The following ICA1 variants were observed in gnomAD, a reference collection of about 807,000 sequenced individuals.
The protein encoded by ICA1 is islet cell autoantigen 1.
ICA1 carries 40 observed loss-of-function variants against 71.0 expected under a neutral mutation model. That is an observed-to-expected ratio of 0.56 (90% CI 0.44 to 0.73). The LOEUF (loss-of-function observed/expected upper bound fraction) is 0.73. Among genes scored for constraint, ICA1 ranks in the 30% least tolerant of loss-of-function variants. The pLI is 0.00. For missense variants in ICA1, 578 were observed against 576.5 expected, an observed-to-expected ratio of 1.00 and a Z score of -0.03; for synonymous variants, 207 against 209.5, an observed-to-expected ratio of 0.99 and a Z score of 0.10.
At position 8,143,903 on chromosome 7, in the gene ICA1, T is replaced by G; in HGVS notation, c.874A>C (p.Thr292Pro). ...EKKKINQQESTDAAVQEPSQL... is the reference protein window; with the variant it reads ...EKKKINQQESPDAAVQEPSQL... ...CTCGGCTCCTGCACGGCTGCATCTG[T>G]ACTTTCCTGCTGGTTGATTTTCTTC... Residue 292 changes from threonine (T) to proline (P), a missense_variant, in exon 9 of 14, where the codon ACA becomes CCA. Transcript: ENST00000402384. 1 of 1,612,766 alleles carries G rather than the reference T, an allele frequency of 6.2e-7. No homozygotes were observed. The highest frequency in any genetic ancestry group is 1.1e-5 in the South Asian group (1 of 91,040).
At chr7:8,250,266 A>G (rs1274709107) in intron 1 of ICA1, among the ~76,000 whole-genome samples, 1 of 152,214 alleles carries the variant, frequency 6.6e-6, no homozygotes, top group Non-Finnish European at 1.5e-5. Context: ...GAGTATAAAT[A>G]TTAAAATAGT....
chr7:8,213,225 AATCCACTG>A, intron 6 of ICA1, among the ~76,000 whole-genome samples: 1 of 152,364 alleles, frequency 6.6e-6, no homozygotes, highest in South Asian at 2.1e-4. Context: ...AAAAGAACTC[AATCCACTG>A]TATAGAATTC....
chr7:8,141,559 A>C (rs891528662), intron 10 of ICA1, among the ~76,000 whole-genome samples: 1 of 152,230 alleles, frequency 6.6e-6, no homozygotes, highest in Non-Finnish European at 1.5e-5. Flanking sequence ...TCTGGTTCAC[A>C]ATACACAGCC....
intron 6 of ICA1, among the ~76,000 whole-genome samples, chr7:8,166,127 A>G (rs1008433262): frequency 1.3e-5 from 2 of 152,228 alleles, no homozygotes; most frequent in Non-Finnish European, 2.9e-5. Flanking sequence ...CTATACTACA[A>G]GGCTACAGTA....
intron 1 of ICA1, among the ~76,000 whole-genome samples, chr7:8,256,887 A>T (rs564069547): frequency 6.6e-6 from 1 of 152,352 alleles, no homozygotes; most frequent in South Asian, 2.1e-4. Flanking sequence ...TGAAGCACTT[A>T]ACATCATTAT....
intron 6 of ICA1, among the ~76,000 whole-genome samples, chr7:8,209,758 G>A (rs879836646): frequency 6.6e-6 from 1 of 151,746 alleles, no homozygotes; most frequent in Non-Finnish European, 1.5e-5. Flanking sequence ...TGAGGGTCAC[G>A]TGGCTTTAAA....
At position 8,248,074 on chromosome 7, in the gene ICA1, A is replaced by C. The variant is rs76562206; in HGVS notation, c.-79-12069T>G. ...GATCAACTATTTCTTTTTAATATGG[A>C]ACTGGCTTCCTCTTGAATCATGTTT... On this transcript the variant is annotated intron_variant, in intron 1 of 13. Transcript: ENST00000402384. 6.8e-3 allele frequency among the ~76,000 whole-genome samples: 1,033 copies of C among 152,260 alleles called. 15 individuals are homozygous for C. The highest frequency in any genetic ancestry group is 0.023 in the African/African-American group (968 of 41,530).
chr7:8,127,895 T>C lies in ICA1; in HGVS notation c.1308A>G (p.Lys436=). 6.2e-7 allele frequency: 1 copy of C among 1,614,080 alleles called. No individual in the cohort carries two copies. The highest frequency in any genetic ancestry group is 8.5e-7 in the Non-Finnish European group (1 of 1,179,982). ...TACCTTGTAGCGAGGCCTGTAAGTC[T>C]TTCATATTTTGGTCTAAAAGCTGCG... ...LPSQLLDQNM[K]DLQASLQEPA... The change falls in exon 13 of 14, where the codon AAA becomes AAG. Residue 436 remains lysine, a synonymous_variant. Transcript: ENST00000402384.
At chr7:8,247,280 GTC>G (rs564602069) in intron 1 of ICA1, among the ~76,000 whole-genome samples, 184 of 152,080 alleles carry the variant, frequency 1.2e-3, no homozygotes, top group African/African-American at 4.3e-3. Flanking sequence ...AGTGAACTCT[GTC>G]TCTACAAAAA....
At chr7:8,133,708 C>T (rs943551802) in intron 12 of ICA1, among the ~76,000 whole-genome samples, 1 of 152,320 alleles carries the variant, frequency 6.6e-6, no homozygotes, top group South Asian at 2.1e-4. Context: ...TGCAGTCAAG[C>T]ACGAATGCAG....
In ICA1 at chr7:8,135,501, G is replaced by A. The variant is rs946950164; in HGVS notation, c.1060+3339C>T. Among the ~76,000 whole-genome samples, 3 of 152,152 alleles carry A rather than the reference G, an allele frequency of 2.0e-5. No individual in the cohort carries two copies. In the East Asian group the frequency reaches 5.8e-4, roughly 29 times the overall value. On this transcript the variant is annotated intron_variant, in intron 12 of 13. Transcript: ENST00000402384. The stretch of plus-strand genomic sequence containing the variant: ...GAAAGTTCATGAGAAAAGAGAAGGC[G>A]CTTTTTAGAACTTGCCACTTCGTAT...
intron 3 of ICA1, among the ~76,000 whole-genome samples, chr7:8,231,851 C>T (rs950353551): frequency 2.6e-5 from 4 of 152,116 alleles, no homozygotes; most frequent in African/African-American, 4.8e-5. Flanking sequence ...CTGGACACTC[C>T]GAAAACTTTT....
chr7:8,232,526 A>T, intron 3 of ICA1, 64 bp downstream of exon 3: 1 of 1,382,122 alleles, frequency 7.2e-7, no homozygotes, highest in Non-Finnish European at 9.6e-7. Flanking sequence ...CTCAGTGAGT[A>T]TACTCTAGGA....
intron 6 of ICA1, among the ~76,000 whole-genome samples, chr7:8,208,294 A>G (rs1236040566): frequency 6.6e-6 from 1 of 152,232 alleles, no homozygotes; most frequent in African/African-American, 2.4e-5. Flanking sequence ...AACAAAAGCA[A>G]CTTACAGTAC....
chr7:8,227,708 A>G, intron 4 of ICA1: 1 of 416,772 alleles, frequency 2.4e-6, no homozygotes. Flanking sequence ...CAGCCTCCTG[A>G]GTAGCTGGGA....
chr7:8,139,207 C>T (rs3807844), intron 10 of ICA1, among the ~76,000 whole-genome samples, 160 bp from the exon 11 acceptor site: 135,243 of 152,240 alleles, frequency 0.89, 60,551 homozygotes, highest in East Asian at 0.99. Flanking sequence ...CTCCTGCTAT[C>T]AGCTCTCAGA....
chr7:8,114,343 C>A (rs866231410), intron 13 of ICA1, among the ~76,000 whole-genome samples: 3 of 152,278 alleles, frequency 2.0e-5, no homozygotes, highest in African/African-American at 7.2e-5. Context: ...AACCCTCGGG[C>A]CCTGCCACTT....
At chr7:8,127,831 T>C in intron 13 of ICA1, 42 bp downstream of exon 13, 1 of 1,538,832 alleles carries the variant, frequency 6.5e-7, no homozygotes, top group Non-Finnish European at 8.8e-7. Flanking sequence ...ACAAAAAGAA[T>C]GAACAAACAA....
intron 12 of ICA1, among the ~76,000 whole-genome samples, chr7:8,129,639 T>G (rs892799086): frequency 5.3e-5 from 8 of 152,204 alleles, no homozygotes; most frequent in Non-Finnish European, 1.2e-4. Context: ...CCTGTAGGTG[T>G]TGTGGGTGAG....
Sources: gnomAD v4.1 joint callset for allele counts (sites outside exome capture counted in the v4.1 genomes callset) on GRCh38, gnomAD v4.1.1 for gene constraint, MANE v1.5 for transcripts, NCBI Gene and HGNC (gene_info 2026-07-23, HGNC 2026-07-21) for gene names.